The following MGAM2 variants were observed in gnomAD, a reference collection of about 807,000 sequenced individuals.
The protein encoded by MGAM2 is maltase-glucoamylase 2 (putative).
In MGAM2, 98 loss-of-function variants were observed where a neutral mutation model predicts 96.1. That is an observed-to-expected ratio of 1.02 (90% CI 0.87 to 1.21). The LOEUF (loss-of-function observed/expected upper bound fraction) is 1.21. Among genes scored for constraint, MGAM2 ranks in the 50% most tolerant of loss-of-function variants. The pLI is 0.00. For synonymous variants in MGAM2, 749 were observed against 414.8 expected (o/e 1.81, Z -9.79); for missense variants, 2,055 against 1,182.4 (o/e 1.74, Z -10.82).
At chr7:142,146,142 G>GTTTTTTTTTTTTTTTTTTTTT (rs71166565) in intron 14 of MGAM2, among the ~76,000 whole-genome samples, 1 of 108,972 alleles carries the variant, frequency 9.2e-6, no homozygotes, top group Non-Finnish European at 1.8e-5. Flanking sequence ...AGTTTATCAT[G>GTTTTTTTTTTTTTTTTTTTTT]TTTTTTTTTT....
chr7:142,176,732 G>T (rs1796390873), intron 32 of MGAM2, among the ~76,000 whole-genome samples: 1 of 152,070 alleles, frequency 6.6e-6, no homozygotes, highest in African/African-American at 2.4e-5. Flanking sequence ...GAGGAACATT[G>T]CTATTATACT....
chr7:142,150,559 C>T (rs1335419489), intron 15 of MGAM2, among the ~76,000 whole-genome samples: 2 of 152,126 alleles, frequency 1.3e-5, no homozygotes, highest in Non-Finnish European at 2.9e-5. Flanking sequence ...GGAACAGCTG[C>T]ATCAGCATCA....
In MGAM2 at chr7:142,196,704, G is replaced by A. The variant is rs1233820077; in HGVS notation, c.4520G>A (p.Gly1507Glu). The A allele has an allele frequency of 1.3e-6, 1 of 786,430 alleles. No homozygotes were observed. The highest frequency in any genetic ancestry group is 2.4e-6 in the Non-Finnish European group (1 of 423,798). 48.7% of individuals were successfully genotyped at this position (786,430 alleles called of 1,614,324 possible). A position where few individuals can be genotyped will look rare whatever the true frequency, so the allele number is the denominator to read the frequency against. Residue 1507 changes from glycine to glutamate, a missense_variant, in exon 40 of 48, where the codon GGA becomes GAA. Coordinates refer to ENST00000477922, the MANE Select transcript of MGAM2 (RefSeq NM_001293626.2). ...TCTCATTATGCATCTTCTCAGACAG[G>A]AGCAGATATCTGTGGGTTCTTTGGA... The part of the protein sequence containing the change: ...EFSLFGIPYT[G>E]ADICGFFGDA...
chr7:142,205,200 C>G (rs1309079256), intron 45 of MGAM2, among the ~76,000 whole-genome samples: 1 of 152,068 alleles, frequency 6.6e-6, no homozygotes, highest in African/African-American at 2.4e-5. Context: ...TATATCCATT[C>G]ATCAATTGAT....
chr7:142,126,984 T>C (rs1245331103), intron 3 of MGAM2, among the ~76,000 whole-genome samples: 1 of 152,212 alleles, frequency 6.6e-6, no homozygotes. Context: ...TGCAAATCAG[T>C]GGTGGAAACA....
intron 37 of MGAM2, among the ~76,000 whole-genome samples, 183 bp downstream of exon 37, chr7:142,189,688 C>T (rs970252771): frequency 5.3e-5 from 8 of 152,208 alleles, no homozygotes; most frequent in African/African-American, 1.9e-4. Context: ...CTAAATTCAC[C>T]TATTTAAAGT....
At chr7:142,145,837 G>A (rs1217659289) in intron 14 of MGAM2, among the ~76,000 whole-genome samples, 1 of 152,110 alleles carries the variant, frequency 6.6e-6, no homozygotes, top group East Asian at 1.9e-4. Context: ...CTAGAATCTG[G>A]TCATGTAGCC....
chr7:142,187,044 T>C (rs913168868), intron 35 of MGAM2, among the ~76,000 whole-genome samples: 2 of 152,178 alleles, frequency 1.3e-5, no homozygotes, highest in Non-Finnish European at 2.9e-5. Flanking sequence ...CATTTGCCTT[T>C]AGTATGTCCT....
intron 3 of MGAM2, among the ~76,000 whole-genome samples, chr7:142,129,334 T>TAG (rs1794815725): frequency 6.6e-6 from 1 of 152,154 alleles, no homozygotes; most frequent in East Asian, 1.9e-4. Context: ...GACTTTGGAC[T>TAG]TGTACTTTTG....
intron 32 of MGAM2, among the ~76,000 whole-genome samples, 185 bp from the exon 33 acceptor site, chr7:142,183,081 T>C (rs1361296086): frequency 1.3e-5 from 2 of 152,230 alleles, no homozygotes; most frequent in Admixed American, 1.3e-4. Flanking sequence ...CCCTTTTCAA[T>C]TGGCTATGGT....
At chr7:142,192,096 T>C (rs1796888594) in intron 37 of MGAM2, among the ~76,000 whole-genome samples, 1 of 152,128 alleles carries the variant, frequency 6.6e-6, no homozygotes, top group Non-Finnish European at 1.5e-5. Context: ...GTATCTGAGC[T>C]CTCTGCCTTC....
intron 37 of MGAM2, among the ~76,000 whole-genome samples, chr7:142,193,630 A>G (rs142759475): frequency 4.7e-4 from 71 of 152,246 alleles, no homozygotes; most frequent in African/African-American, 1.6e-3. Context: ...TGCTTTTGCT[A>G]GTTTCTCAGG....
At chr7:142,191,670 T>C (rs906374520) in intron 37 of MGAM2, among the ~76,000 whole-genome samples, 8 of 152,140 alleles carry the variant, frequency 5.3e-5, no homozygotes, top group African/African-American at 1.9e-4. Flanking sequence ...TCTTCCAATT[T>C]TTTTTTCAAG....
In MGAM2 at chr7:142,172,087, G is replaced by C; in HGVS notation, c.3352-11G>C. ...CATTTTCTTTTTGTTTATTACCCTC[G>C]TGACTCCCAGTACAAGAAGAATTCC... is the stretch of plus-strand genomic sequence containing the variant. On this transcript the variant is annotated splice_polypyrimidine_tract_variant and intron_variant, in intron 28 of 47. Coordinates refer to ENST00000477922, the MANE Select transcript of MGAM2 (RefSeq NM_001293626.2). 1 of 709,512 alleles carries C rather than the reference G, an allele frequency of 1.4e-6. No individual in the cohort carries two copies. Among genetic ancestry groups the C allele is most frequent in the Non-Finnish European group, 2.6e-6 (1 of 388,170 alleles). 44.0% of individuals were successfully genotyped at this position (709,512 alleles called of 1,614,324 possible).
intron 45 of MGAM2, among the ~76,000 whole-genome samples, chr7:142,202,086 T>G (rs1797254503): frequency 6.6e-6 from 1 of 152,202 alleles, no homozygotes; most frequent in Admixed American, 6.5e-5. Context: ...ATAGTACATA[T>G]TGTATGATTC....
intron 19 of MGAM2, among the ~76,000 whole-genome samples, chr7:142,158,980 C>A (rs903249136): frequency 2.0e-5 from 3 of 152,198 alleles, no homozygotes; most frequent in Non-Finnish European, 4.4e-5. Flanking sequence ...TGCTGGGAGG[C>A]TTTCCTGGGG....
chr7:142,173,404 GGCTAATTTTATATTAGAAGT>G, intron 31 of MGAM2, 50 bp downstream of exon 31: 1 of 692,200 alleles, frequency 1.4e-6, no homozygotes. Context: ...AGGAATTTGT[GGCTAATTTTATATTAGAAGT>G]GCTATGATGT....
At chr7:142,203,335 CA>C (rs1216062703) in intron 45 of MGAM2, among the ~76,000 whole-genome samples, 1 of 151,878 alleles carries the variant, frequency 6.6e-6, no homozygotes, top group Non-Finnish European at 1.5e-5. Flanking sequence ...GGGGCTTAGC[CA>C]AAAATATTTT....
At chr7:142,207,174 A>G (rs1266588565) in intron 45 of MGAM2, among the ~76,000 whole-genome samples, 1 of 152,234 alleles carries the variant, frequency 6.6e-6, no homozygotes, top group Non-Finnish European at 1.5e-5. Context: ...TATAGGAACC[A>G]TATGGGAAGG....
Sources: gnomAD v4.1 joint callset for allele counts (sites outside exome capture counted in the v4.1 genomes callset) on GRCh38, gnomAD v4.1.1 for gene constraint, MANE v1.5 for transcripts, NCBI Gene and HGNC (gene_info 2026-07-23, HGNC 2026-07-21) for gene names.